The following TBX20 variants were observed in gnomAD, a reference collection of about 807,000 sequenced individuals.
TBX20 encodes the protein T-box transcription factor TBX20.
Under a neutral mutation model 42.9 loss-of-function variants are expected in TBX20, and 8 were observed. That is an observed-to-expected ratio of 0.19 (90% CI 0.11 to 0.34). The LOEUF (loss-of-function observed/expected upper bound fraction) is 0.34. Among genes scored for constraint, TBX20 ranks in the 10% least tolerant of loss-of-function variants. The pLI, the probability that TBX20 is intolerant of heterozygous loss-of-function variation, is 1.00. For synonymous variants in TBX20, 198 were observed against 222.8 expected (o/e 0.89, Z 0.99); for missense variants, 411 against 566.0 (o/e 0.73, Z 2.78).
At chr7:35,228,285 A>C (rs1789810268) in intron 6 of TBX20, among the ~76,000 whole-genome samples, 1 of 152,146 alleles carries the variant, frequency 6.6e-6, no homozygotes, top group Non-Finnish European at 1.5e-5. Flanking sequence ...AAAATTAGAA[A>C]GCCAATAAAA....
At chr7:35,228,332 G>A (rs2128713071) in intron 6 of TBX20, among the ~76,000 whole-genome samples, 1 of 152,064 alleles carries the variant, frequency 6.6e-6, no homozygotes, top group African/African-American at 2.4e-5. Context: ...ATATTAAGGG[G>A]AAATAATTAA....
At chr7:35,206,037 A>T (rs575723060) in intron 6 of TBX20, among the ~76,000 whole-genome samples, 2 of 152,372 alleles carry the variant, frequency 1.3e-5, no homozygotes, top group Non-Finnish European at 2.9e-5. Flanking sequence ...GTATGTTCAT[A>T]TATGCCTGCA....
intron 6 of TBX20, among the ~76,000 whole-genome samples, chr7:35,204,850 G>T (rs1327751424): frequency 6.6e-6 from 1 of 152,084 alleles, no homozygotes; most frequent in African/African-American, 2.4e-5. Context: ...AAGGACAAAG[G>T]GGTGAACAGG....
At chr7:35,240,356 A>C (rs1186628565) in intron 5 of TBX20, among the ~76,000 whole-genome samples, 2 of 152,222 alleles carry the variant, frequency 1.3e-5, no homozygotes, top group Non-Finnish European at 2.9e-5. Flanking sequence ...AATATAAATT[A>C]GATATCTTGA....
chr7:35,214,483 G>C (rs1789548217), intron 6 of TBX20, among the ~76,000 whole-genome samples: 1 of 152,126 alleles, frequency 6.6e-6, no homozygotes, highest in Admixed American at 6.6e-5. Context: ...AGAGGTACTG[G>C]TGAATATATT....
chr7:35,229,758 G>C (rs1789836635), intron 6 of TBX20, among the ~76,000 whole-genome samples: 1 of 152,104 alleles, frequency 6.6e-6, no homozygotes, highest in South Asian at 2.1e-4. Flanking sequence ...GATAAAAGTT[G>C]TTAGATGAAA....
chr7:35,244,538 C>T (rs561876844), intron 4 of TBX20, among the ~76,000 whole-genome samples: 1 of 152,276 alleles, frequency 6.6e-6, no homozygotes, highest in South Asian at 2.1e-4. Flanking sequence ...CTTTGGGAAA[C>T]CCCCATCAGA....
intron 1 of TBX20, among the ~76,000 whole-genome samples, chr7:35,250,983 G>A (rs1271320618): frequency 6.6e-6 from 1 of 152,172 alleles, no homozygotes; most frequent in African/African-American, 2.4e-5. Context: ...CTCCCAGAAA[G>A]GTCCTAGAAG....
chr7:35,221,417 A>G (rs1789682500), intron 6 of TBX20, among the ~76,000 whole-genome samples: 1 of 152,140 alleles, frequency 6.6e-6, no homozygotes, highest in African/African-American at 2.4e-5. Flanking sequence ...TAAAAACACT[A>G]CAACTGAACA....
At chr7:35,248,105 A>G (rs190186160) in intron 3 of TBX20, among the ~76,000 whole-genome samples, 145 of 152,340 alleles carry the variant, frequency 9.5e-4, no homozygotes, top group African/African-American at 3.3e-3. Flanking sequence ...AATTACATTC[A>G]TCCACTAAAA....
chr7:35,241,853 A>G (rs1790089230), intron 4 of TBX20, among the ~76,000 whole-genome samples: 1 of 152,198 alleles, frequency 6.6e-6, no homozygotes, highest in Non-Finnish European at 1.5e-5. Context: ...TAAAATATAA[A>G]AGCTAGCCAT....
intron 7 of TBX20, among the ~76,000 whole-genome samples, chr7:35,203,137 A>G (rs1278423804): frequency 6.6e-6 from 1 of 152,206 alleles, no homozygotes; most frequent in Non-Finnish European, 1.5e-5. Flanking sequence ...GGAAGGCTGA[A>G]TGTAAGAAAT....
At chr7:35,205,342 CCTT>C (rs1050588046) in intron 6 of TBX20, among the ~76,000 whole-genome samples, 12 of 151,728 alleles carry the variant, frequency 7.9e-5, no homozygotes, top group Admixed American at 2.0e-4. Flanking sequence ...GACAATTTGA[CCTT>C]CTGCTTTTAA....
chr7:35,241,158 G>T, intron 4 of TBX20, 121 bp from the exon 5 acceptor site: 7 of 792,344 alleles, frequency 8.8e-6, no homozygotes, highest in Middle Eastern at 5.4e-4. Flanking sequence ...TTAAGATATG[G>T]ATCTACCCTT....
intron 4 of TBX20, among the ~76,000 whole-genome samples, chr7:35,242,019 T>C (rs1021848121): frequency 2.0e-5 from 3 of 152,134 alleles, no homozygotes; most frequent in African/African-American, 7.2e-5. Context: ...TCCAAGGAGC[T>C]AGCAGAAAGC....
Position 35,249,618 on chromosome 7 carries a change from C to G in TBX20, c.380+333G>C, listed in dbSNP as rs1790264804. On this transcript the variant is annotated intron_variant, in intron 2 of 7. Transcript: ENST00000408931. This position sits in a 1 kb window ranked among gnomAD's most constrained non-coding sequence, Gnocchi z 4.3. Reference sequence around the variant, plus strand: ...ACCAGGCACCCAGGCACAAATTCCTCCTCCTTCCAGATCCCGACCCTCCAC... The same window carrying G: ...ACCAGGCACCCAGGCACAAATTCCTGCTCCTTCCAGATCCCGACCCTCCAC... Among the ~76,000 whole-genome samples the G allele has an allele frequency of 6.6e-6, 1 of 152,208 alleles. No homozygotes were observed. Among genetic ancestry groups the G allele is most frequent in the Admixed American group, 6.5e-5 (1 of 15,290 alleles).
At chr7:35,213,230 C>T (rs1789527759) in intron 6 of TBX20, among the ~76,000 whole-genome samples, 2 of 152,010 alleles carry the variant, frequency 1.3e-5, no homozygotes, top group Non-Finnish European at 2.9e-5. Flanking sequence ...TATATTTGGC[C>T]CTTGTGGCTT....
At chr7:35,216,272 C>T (rs1392426402) in intron 6 of TBX20, among the ~76,000 whole-genome samples, 2 of 152,128 alleles carry the variant, frequency 1.3e-5, no homozygotes, top group Non-Finnish European at 2.9e-5. Context: ...GAAGGTGTTG[C>T]TCAATATGTT....
chr7:35,226,581 A>G (rs1789774975), intron 6 of TBX20, among the ~76,000 whole-genome samples: 1 of 152,156 alleles, frequency 6.6e-6, no homozygotes, highest in Non-Finnish European at 1.5e-5. Flanking sequence ...GTATGCATAA[A>G]ATGCCTTAAA....
Sources: gnomAD v4.1 joint callset for allele counts (sites outside exome capture counted in the v4.1 genomes callset) on GRCh38, gnomAD v4.1.1 for gene constraint, Gnocchi (gnomAD v3.1) non-coding constraint, MANE v1.5 for transcripts, NCBI Gene and HGNC (gene_info 2026-07-23, HGNC 2026-07-21) for gene names.